IGF1R: variants seen among roughly 807,000 people sequenced by gnomAD.
IGF1R encodes the protein insulin-like growth factor 1 receptor.
In IGF1R, 44 loss-of-function variants were observed where a neutral mutation model predicts 144.6. The ratio of observed to expected loss-of-function variants is 0.30; its 90% CI spans 0.24 to 0.39. The LOEUF (loss-of-function observed/expected upper bound fraction) is 0.39. IGF1R is among the 10% of genes least tolerant of loss of function. The probability of loss-of-function intolerance (pLI) is 1.00; values close to 1 mark genes in which losing one functional copy is unlikely to be tolerated. For missense variants in IGF1R, 1,355 were observed against 1,833.7 expected, an observed-to-expected ratio of 0.74 and a Z score of 4.77; for synonymous variants, 795 against 722.8, an observed-to-expected ratio of 1.10 and a Z score of -1.60.
At chr15:98,690,838 C>T (rs1338792368) in intron 1 of IGF1R, among the ~76,000 whole-genome samples, 9 of 152,002 alleles carry the variant, frequency 5.9e-5, no homozygotes, top group Admixed American at 2.6e-4. Context: ...CAGGGTGGGG[C>T]GGTGTTGGCG....
At chr15:98,743,009 C>G (rs2054782574) in intron 2 of IGF1R, among the ~76,000 whole-genome samples, 1 of 152,054 alleles carries the variant, frequency 6.6e-6, no homozygotes, top group South Asian at 2.1e-4. Flanking sequence ...TGCACTCCAG[C>G]GAGTGCAGTG....
intron 8 of IGF1R, 148 bp downstream of exon 8, chr15:98,913,430 C>T (rs971350315): frequency 3.9e-6 from 3 of 769,402 alleles, no homozygotes; most frequent in Non-Finnish European, 7.0e-6. Flanking sequence ...ATTCATTTCC[C>T]CACTGCTAAC....
rs1325510133 is a variant in IGF1R at position 98,916,786 on chromosome 15, A to G, written c.2111A>G (p.Lys704Arg). 2 of 1,613,968 alleles carry G rather than the reference A, an allele frequency of 1.2e-6. No homozygotes were observed. The highest frequency in any genetic ancestry group is 2.2e-5 in the East Asian group (1 of 44,878). Residue 704 changes from lysine to arginine, a missense_variant, in exon 10 of 21, where the codon AAA (lysine) becomes AGA (arginine). This residue lies in a region of IGF1R where 880 missense variants were observed against 1,202.7 expected (regional missense o/e 0.73). Transcript: ENST00000650285. ...AAAGGGCCTTGCTGCGCCTGCCCCA[A>G]AACTGAAGCCGAGAAGCAGGCCGAG... ...GEKGPCCACPKTEAEKQAEKE... is the reference protein window; with the variant it reads ...GEKGPCCACPRTEAEKQAEKE...
chr15:98,749,072 G>C (rs2054939280), intron 2 of IGF1R, among the ~76,000 whole-genome samples: 1 of 151,738 alleles, frequency 6.6e-6, no homozygotes, highest in Non-Finnish European at 1.5e-5. Flanking sequence ...TTCAAGTTTT[G>C]TTGTTCTTGG....
intron 17 of IGF1R, among the ~76,000 whole-genome samples, chr15:98,938,182 A>G (rs912511221): frequency 6.6e-6 from 1 of 152,218 alleles, no homozygotes. Flanking sequence ...GCGTGGCCCC[A>G]GGTCATCTTC....
chr15:98,713,797 A>G (rs1037705034), intron 2 of IGF1R, among the ~76,000 whole-genome samples: 3 of 152,180 alleles, frequency 2.0e-5, no homozygotes, highest in African/African-American at 4.8e-5. Flanking sequence ...AACAAAACCT[A>G]AGACCTTACT....
Position 98,707,638 on chromosome 15 carries a change from C to T in IGF1R, c.171C>T (p.Gly57=). ...KRLENCTVIE[G]YLHILLISKA... is the part of the protein sequence containing the mutation. ...TGGAGAACTGCACGGTGATCGAGGG[C>T]TACCTCCACATCCTGCTCATCTCCA... The change falls in exon 2 of 21, where the codon GGC becomes GGT. Residue 57 remains glycine, a synonymous_variant. Transcript: ENST00000650285. This position sits in a 1 kb window ranked among gnomAD's most constrained non-coding sequence, Gnocchi z 6.7. The T allele has an allele frequency of 1.2e-6, 2 of 1,614,204 alleles. No homozygotes were observed. Among genetic ancestry groups the T allele is most frequent in the Non-Finnish European group, 1.7e-6 (2 of 1,180,018 alleles).
Position 98,921,565 on chromosome 15 carries a change from G to A in IGF1R, c.2202-583G>A, listed in dbSNP as rs45614437. ...GCAAGCACAGACGCTTGGGGTTGGG[G>A]GTGGGCTCGCAGCAGGAGCCCCCAA... On this transcript the variant is annotated intron_variant, in intron 10 of 20. Coordinates refer to ENST00000650285, the MANE Select transcript of IGF1R (RefSeq NM_000875.5). Among the ~76,000 whole-genome samples the A allele has an allele frequency of 5.1e-3, 781 of 152,180 alleles. 2 individuals carry two copies. The highest frequency in any genetic ancestry group is 0.018 in the African/African-American group (731 of 41,508).
intron 2 of IGF1R, among the ~76,000 whole-genome samples, chr15:98,758,700 T>G (rs1417554436): frequency 2.0e-5 from 3 of 152,348 alleles, no homozygotes; most frequent in Middle Eastern, 6.8e-3. Context: ...CTCTCTGTTT[T>G]GGAGATTTGG....
intron 2 of IGF1R, among the ~76,000 whole-genome samples, chr15:98,786,567 A>G (rs534219301): frequency 6.6e-6 from 1 of 152,072 alleles, no homozygotes; most frequent in Non-Finnish European, 1.5e-5. Flanking sequence ...CTATAAGCCT[A>G]TTTCAGTCAA....
intron 1 of IGF1R, among the ~76,000 whole-genome samples, chr15:98,698,279 C>G (rs545018834): frequency 6.6e-6 from 1 of 152,134 alleles, no homozygotes; most frequent in Non-Finnish European, 1.5e-5. Flanking sequence ...CCTCGTGATC[C>G]GCCTGCCTCG....
chr15:98,909,755 C>CCTG (rs2014919353), intron 6 of IGF1R, among the ~76,000 whole-genome samples: 1 of 152,186 alleles, frequency 6.6e-6, no homozygotes, highest in Non-Finnish European at 1.5e-5. Context: ...ATGGAGTGAG[C>CCTG]CTGCAGCCCT....
At chr15:98,925,922 C>A (rs2015698778) in intron 13 of IGF1R, among the ~76,000 whole-genome samples, 2 of 150,556 alleles carry the variant, frequency 1.3e-5, no homozygotes, top group African/African-American at 2.4e-5. Flanking sequence ...GGAAAAAAAA[C>A]AAAAAACAGC....
chr15:98,750,790 GT>G, intron 2 of IGF1R, among the ~76,000 whole-genome samples: 1 of 152,264 alleles, frequency 6.6e-6, no homozygotes, highest in South Asian at 2.1e-4. Flanking sequence ...TTTTCTTCTA[GT>G]TTTTTGTTTG....
intron 6 of IGF1R, among the ~76,000 whole-genome samples, chr15:98,909,379 C>T (rs2014899344): frequency 6.6e-6 from 1 of 151,352 alleles, no homozygotes; most frequent in South Asian, 2.1e-4. Flanking sequence ...ATGCCTCAGC[C>T]TCCCGAGCAG....
In IGF1R at chr15:98,668,986, ATACT is replaced by A. The variant is rs544225786; in HGVS notation, c.94+19316_94+19319del. On this transcript the variant is annotated intron_variant, in intron 1 of 20. Coordinates refer to ENST00000650285, the MANE Select transcript of IGF1R (RefSeq NM_000875.5). The stretch of plus-strand genomic sequence containing the variant: ...TATGAGCATTAACTGTTTACCAGTC[ATACT>A]TACTATTTTAAATCTGACCCTGCCA... Among the ~76,000 whole-genome samples, 117 of 152,368 alleles carry A rather than the reference ATACT, an allele frequency of 7.7e-4. 1 individual carries two copies. Among genetic ancestry groups the A allele is most frequent in the African/African-American group, 2.7e-3 (114 of 41,594 alleles).
intron 2 of IGF1R, among the ~76,000 whole-genome samples, chr15:98,709,939 C>A (rs2053953730): frequency 6.6e-6 from 1 of 152,128 alleles, no homozygotes; most frequent in Admixed American, 6.5e-5. Context: ...TTGAAGACCC[C>A]TGGGGTAGGG....
rs575952072 is a variant in IGF1R at position 98,962,234 on chromosome 15, C to T, written c.*4792C>T. On this transcript the variant is annotated 3_prime_UTR_variant, in exon 21 of 21. Coordinates refer to ENST00000650285, the MANE Select transcript of IGF1R (RefSeq NM_000875.5). ...TGGCCACTCCCTTCTAAAACACAGG[C>T]GCCCTCCTGGTGACAGTGACCCGCC... 47 of 233,352 alleles carry T rather than the reference C, an allele frequency of 2.0e-4. No homozygotes were observed. Among genetic ancestry groups the T allele is most frequent in the Admixed American group, 2.8e-4 (5 of 17,814 alleles). 14.5% of individuals were successfully genotyped at this position (233,352 alleles called of 1,614,324 possible).
At chr15:98,797,975 G>A (rs1289715528) in intron 2 of IGF1R, among the ~76,000 whole-genome samples, 2 of 152,248 alleles carry the variant, frequency 1.3e-5, no homozygotes, top group Non-Finnish European at 2.9e-5. Flanking sequence ...AATCAGCCAT[G>A]AGAAGACGTG....
Sources: allele counts gnomAD v4.1 joint callset (sites outside exome capture counted in the v4.1 genomes callset), GRCh38; gene constraint gnomAD v4.1.1; regional missense constraint gnomAD v4.1.1; non-coding constraint Gnocchi (gnomAD v3.1); transcripts MANE v1.5; gene names NCBI Gene and HGNC (gene_info 2026-07-23, HGNC 2026-07-21).